Variants in LAMP3 observed in about 807,000 individuals in gnomAD.
The protein encoded by LAMP3 is lysosome associated membrane protein 3, also known as lysosome-associated membrane glycoprotein 3.
LAMP3 carries 26 observed loss-of-function variants against 34.8 expected under a neutral mutation model. The ratio of observed to expected loss-of-function variants is 0.75; its 90% CI spans 0.55 to 1.04. The LOEUF (loss-of-function observed/expected upper bound fraction) is 1.04. LAMP3 is among the 50% of genes least tolerant of loss of function. LAMP3 has a pLI of 0.00. For synonymous variants in LAMP3, 180 were observed against 201.9 expected (o/e 0.89, Z 0.92); for missense variants, 495 against 524.0 (o/e 0.94, Z 0.54).
At chr3:183,135,386 C>T (rs568647680) in intron 5 of LAMP3, among the ~76,000 whole-genome samples, 19 of 152,306 alleles carry the variant, frequency 1.2e-4, no homozygotes, top group African/African-American at 3.8e-4. Context: ...GTTCTCCAAA[C>T]ATATCTGAAT....
chr3:183,129,542 C>T (rs916851060), intron 5 of LAMP3, among the ~76,000 whole-genome samples: 47 of 152,090 alleles, frequency 3.1e-4, no homozygotes, highest in African/African-American at 1.0e-3. Flanking sequence ...ATAATTTCCT[C>T]CCTATTTATT....
Position 183,154,162 on chromosome 3 carries a change from G to A in LAMP3, c.279C>T (p.Asn93=). 1 of 1,613,862 alleles carries A rather than the reference G, an allele frequency of 6.2e-7. No homozygotes were observed. The highest frequency in any genetic ancestry group is 8.5e-7 in the Non-Finnish European group (1 of 1,179,864). Reference sequence around the variant, plus strand: ...AGGTAATTGGGCTGGTGGTTGCAGTGTTTTTTGTAGTCGCTGGGGTAGTTG... The same window carrying A: ...AGGTAATTGGGCTGGTGGTTGCAGTATTTTTTGTAGTCGCTGGGGTAGTTG... The part of the protein sequence containing the change: ...IPTTTPATTK[N]TATTSPITYT... The change falls in exon 2 of 6, where the codon AAC becomes AAT. Residue 93 remains asparagine, a synonymous_variant. Coordinates refer to ENST00000265598, the MANE Select transcript of LAMP3 (RefSeq NM_014398.4).
In LAMP3 at chr3:183,135,728, T is replaced by C. The variant is rs758881514; in HGVS notation, c.1106A>G (p.His369Arg). ...GACCCTTAACTTACCATTTCCAAAGTGGTCATCTTCAAAATCAAAGGCTTG... is the reference window on the plus strand; with the variant it reads ...GACCCTTAACTTACCATTTCCAAAGCGGTCATCTTCAAAATCAAAGGCTTG... ...QLQAFDFEDD[H>R]FGNVDECSSD... Residue 369 changes from histidine to arginine, a missense_variant, in exon 5 of 6, where the codon CAC (histidine) becomes CGC (arginine). His to Arg is a conservative substitution (Grantham distance 29). Transcript: ENST00000265598. The C allele has an allele frequency of 6.2e-6, 10 of 1,614,162 alleles. No individual in the cohort carries two copies. In the East Asian group the frequency reaches 2.0e-4, roughly 32 times the overall value.
chr3:183,140,132 T>G (rs1576876705), intron 4 of LAMP3, among the ~76,000 whole-genome samples: 2 of 151,920 alleles, frequency 1.3e-5, no homozygotes, highest in African/African-American at 2.4e-5. Context: ...ATCGGCCGGG[T>G]GCAGTGGCTC....
At chr3:183,131,081 G>C (rs1227213709) in intron 5 of LAMP3, among the ~76,000 whole-genome samples, 1 of 152,190 alleles carries the variant, frequency 6.6e-6, no homozygotes, top group African/African-American at 2.4e-5. Flanking sequence ...TTACCAGAAT[G>C]CTAATTCAAA....
intron 4 of LAMP3, among the ~76,000 whole-genome samples, chr3:183,138,505 G>A (rs1720169051): frequency 6.6e-6 from 1 of 152,146 alleles, no homozygotes; most frequent in African/African-American, 2.4e-5. Context: ...TACGGTACCT[G>A]GCACAGGGGG....
At chr3:183,125,055 C>T (rs1160525591) in intron 5 of LAMP3, among the ~76,000 whole-genome samples, 3 of 152,032 alleles carry the variant, frequency 2.0e-5, no homozygotes, top group Non-Finnish European at 4.4e-5. Context: ...TTTCTTTATA[C>T]CATTAGAAAA....
chr3:183,151,854 T>A (rs1171199541), intron 3 of LAMP3, among the ~76,000 whole-genome samples: 1 of 152,200 alleles, frequency 6.6e-6, no homozygotes, highest in Non-Finnish European at 1.5e-5. Flanking sequence ...AAATCCGCAG[T>A]GAGACTCTCT....
intron 1 of LAMP3, among the ~76,000 whole-genome samples, chr3:183,156,701 G>T (rs1003596663): frequency 1.3e-5 from 2 of 152,176 alleles, no homozygotes; most frequent in Non-Finnish European, 2.9e-5. Flanking sequence ...GAAGGCCTTA[G>T]GTCAAGGGTC....
intron 5 of LAMP3, among the ~76,000 whole-genome samples, chr3:183,131,075 C>G (rs1022382967): frequency 6.6e-6 from 1 of 152,108 alleles, no homozygotes; most frequent in African/African-American, 2.4e-5. Flanking sequence ...TTGTGGTTAC[C>G]AGAATGCTAA....
At chr3:183,140,326 G>A (rs1465277323) in intron 4 of LAMP3, among the ~76,000 whole-genome samples, 4 of 142,048 alleles carry the variant, frequency 2.8e-5, no homozygotes, top group Non-Finnish European at 6.0e-5. Flanking sequence ...ATAATCGCTT[G>A]AACACGGGAG....
chr3:183,142,188 CT>C (rs748596048), intron 3 of LAMP3, among the ~76,000 whole-genome samples: 6 of 152,162 alleles, frequency 3.9e-5, no homozygotes, highest in Non-Finnish European at 7.4e-5. Context: ...ATAAGAGAGA[CT>C]TATATTTCAG....
intron 5 of LAMP3, among the ~76,000 whole-genome samples, chr3:183,128,418 A>C (rs1162714114): frequency 6.6e-6 from 1 of 152,190 alleles, no homozygotes; most frequent in Admixed American, 6.5e-5. Context: ...AAACATACAT[A>C]GCATCCTCAT....
intron 1 of LAMP3, chr3:183,162,019 T>C (rs976414962): frequency 1.0e-6 from 1 of 983,710 alleles, no homozygotes; most frequent in African/African-American, 1.7e-5. Context: ...GACAGTTCTC[T>C]CATGACGTTC....
At chr3:183,152,912 C>T (rs997237301) in intron 2 of LAMP3, among the ~76,000 whole-genome samples, 4 of 152,156 alleles carry the variant, frequency 2.6e-5, no homozygotes, top group Non-Finnish European at 4.4e-5. Flanking sequence ...CATGGTGGCT[C>T]ATGCCTGTAA....
chr3:183,123,527 C>G lies in LAMP3; in HGVS notation c.*554G>C, dbSNP rs1216075110. The G allele has an allele frequency of 6.5e-6, 1 of 153,550 alleles. No homozygotes were observed. The highest frequency in any genetic ancestry group is 1.9e-4 in the East Asian group (1 of 5,230). The allele number at this position is 153,550 out of a possible 1,614,324, so 9.5% of individuals were successfully genotyped here. A position where few individuals can be genotyped will look rare whatever the true frequency, so the allele number is the denominator to read the frequency against. ...TAAGCCGAGATCGTGCCACTGTACT[C>G]CAGCCTGGGTGACAAGAGTGAAACT... On this transcript the variant is annotated 3_prime_UTR_variant, in exon 6 of 6. Coordinates refer to ENST00000265598, the MANE Select transcript of LAMP3 (RefSeq NM_014398.4).
intron 4 of LAMP3, among the ~76,000 whole-genome samples, chr3:183,138,927 A>G (rs544818962): frequency 1.3e-5 from 2 of 152,258 alleles, no homozygotes; most frequent in East Asian, 3.9e-4. Flanking sequence ...TCTTCCTGCC[A>G]TCTGGAAAGG....
chr3:183,143,745 G>A (rs1476327063), intron 3 of LAMP3, among the ~76,000 whole-genome samples: 1 of 152,168 alleles, frequency 6.6e-6, no homozygotes, highest in Non-Finnish European at 1.5e-5. Flanking sequence ...TTATGCTATG[G>A]AATGAGGCTT....
chr3:183,155,431 A>G (rs1720795413), intron 1 of LAMP3, among the ~76,000 whole-genome samples: 1 of 152,210 alleles, frequency 6.6e-6, no homozygotes, highest in South Asian at 2.1e-4. Flanking sequence ...AAGAAAGAGA[A>G]GTCATAACTG....
Sources: allele counts gnomAD v4.1 joint callset (sites outside exome capture counted in the v4.1 genomes callset), GRCh38; gene constraint gnomAD v4.1.1; transcripts MANE v1.5; gene names NCBI Gene and HGNC (gene_info 2026-07-23, HGNC 2026-07-21).